PRKCZ: variants seen among roughly 807,000 people sequenced by gnomAD.
The protein encoded by PRKCZ is protein kinase C zeta, also known as protein kinase C zeta type.
Under a neutral mutation model 79.5 loss-of-function variants are expected in PRKCZ, and 33 were observed. That is an observed-to-expected ratio of 0.41 (90% confidence interval 0.31 to 0.55). The LOEUF (loss-of-function observed/expected upper bound fraction) is 0.55, where lower values mean the gene tolerates loss of function less well. Among genes scored for constraint, PRKCZ ranks in the 20% least tolerant of loss-of-function variants. The pLI, the probability that PRKCZ is intolerant of heterozygous loss-of-function variation, is 0.19. For missense variants in PRKCZ, 578 were observed against 813.5 expected (o/e 0.71, Z 3.52); for synonymous variants, 342 against 320.9 (o/e 1.07, Z -0.70).
intron 2 of PRKCZ, 112 bp from the exon 3 acceptor site, chr1:2,056,372 A>G (rs1660160989): frequency 3.1e-6 from 3 of 964,368 alleles, no homozygotes; most frequent in East Asian, 2.9e-5. Context: ...CAGTCTGAGC[A>G]TCGGGACTTT....
intron 1 of PRKCZ, 41 bp downstream of exon 1, chr1:2,050,742 G>A: frequency 9.6e-7 from 1 of 1,042,030 alleles, no homozygotes; most frequent in Non-Finnish European, 1.2e-6. Flanking sequence ...GGGTGAGGCA[G>A]GGAGGGCGGG....
At chr1:2,184,797 C>A in intron 17 of PRKCZ, 99 bp downstream of exon 17, 1 of 1,392,376 alleles carries the variant, frequency 7.2e-7, no homozygotes, top group Non-Finnish European at 9.9e-7. Flanking sequence ...CCCTTGAGTC[C>A]CACCCGCCTG....
intron 5 of PRKCZ, chr1:2,142,514 A>C (rs1264831022): frequency 3.4e-6 from 1 of 297,030 alleles, no homozygotes; most frequent in Non-Finnish European, 6.6e-6. Context: ...CTGGGGCAAA[A>C]CTCCCAATGC....
At chr1:2,074,003 C>G in intron 4 of PRKCZ, 1 of 1,419,220 alleles carries the variant, frequency 7.0e-7, no homozygotes, top group Non-Finnish European at 9.2e-7. Flanking sequence ...AGGCCCTGTG[C>G]GTGCGGAGGA....
Position 2,073,439 on chromosome 1 carries a change from C to A in PRKCZ, c.334+13848C>A, listed in dbSNP as rs16824683. Reference sequence around the variant, plus strand: ...CAGAGGTCACTCGCCACGGCCACAGCTGCGCTGTCCCCCACTCCCAGCCTG... The same window carrying A: ...CAGAGGTCACTCGCCACGGCCACAGATGCGCTGTCCCCCACTCCCAGCCTG... On this transcript the variant is annotated intron_variant, in intron 4 of 17. Transcript: ENST00000378567. 6.1e-3 allele frequency: 1,061 copies of A among 172,802 alleles called. 56 individuals carry two copies. The East Asian group carries it at 0.13, about 21-fold the overall frequency. 10.7% of individuals were successfully genotyped at this position (172,802 alleles called of 1,614,324 possible). A position where few individuals can be genotyped will look rare whatever the true frequency, so the allele number is the denominator to read the frequency against.
At chr1:2,090,705 G>A (rs1302096430) in intron 4 of PRKCZ, among the ~76,000 whole-genome samples, 2 of 152,214 alleles carry the variant, frequency 1.3e-5, no homozygotes, top group East Asian at 1.9e-4. Flanking sequence ...GGCACCTGGC[G>A]TGGGCGCCCT....
intron 4 of PRKCZ, among the ~76,000 whole-genome samples, chr1:2,108,727 C>A (rs993989237): frequency 1.3e-5 from 2 of 152,212 alleles, no homozygotes; most frequent in Non-Finnish European, 2.9e-5. Flanking sequence ...GTCACCACCC[C>A]CTGCCTGTCC....
chr1:2,150,751 C>A (rs1679729080), intron 8 of PRKCZ, 39 bp from the exon 9 acceptor site: 1 of 1,585,846 alleles, frequency 6.3e-7, no homozygotes, highest in Non-Finnish European at 8.6e-7. Flanking sequence ...TCCCGGGAAC[C>A]CCCCTCTCAC....
intron 3 of PRKCZ, 109 bp from the exon 4 acceptor site, chr1:2,059,432 C>T: frequency 7.4e-7 from 1 of 1,353,960 alleles, no homozygotes; most frequent in South Asian, 1.2e-5. Context: ...CCACGTGCGC[C>T]TTGCGTGAAG....
intron 4 of PRKCZ, among the ~76,000 whole-genome samples, chr1:2,092,155 G>T (rs910515009): frequency 1.3e-5 from 2 of 152,034 alleles, no homozygotes; most frequent in Non-Finnish European, 2.9e-5. Flanking sequence ...CCTTGGCTCC[G>T]GCCCCGTCCA....
intron 1 of PRKCZ, among the ~76,000 whole-genome samples, chr1:2,051,297 C>G (rs1659624339): frequency 6.6e-6 from 1 of 152,198 alleles, no homozygotes; most frequent in African/African-American, 2.4e-5. Flanking sequence ...GGAGGGGGCG[C>G]GGTCAGGTGC....
At chr1:2,090,722 G>A (rs567113619) in intron 4 of PRKCZ, among the ~76,000 whole-genome samples, 5 of 152,332 alleles carry the variant, frequency 3.3e-5, no homozygotes, top group East Asian at 1.9e-4. Context: ...CCCTGGGAGC[G>A]GCAGCCGGGG....
Position 2,168,801 on chromosome 1 carries a change from T to TAA in PRKCZ, c.975-711_975-710dup. The stretch of plus-strand genomic sequence containing the variant: ...TCAGGTGCCAGAGGAGCCGCTGACC[T>TAA]AAAAAAACCCGCCACAGGGTATTTC... On this transcript the variant is annotated intron_variant, in intron 10 of 17. Transcript: ENST00000378567. The surrounding 1 kb of genome is among the most constrained non-coding windows in gnomAD (Gnocchi z 4.7). 1 of 196,894 alleles carries TAA rather than the reference T, an allele frequency of 5.1e-6. No individual in the cohort carries two copies. The highest frequency in any genetic ancestry group is 7.6e-5 in the South Asian group (1 of 13,094). 12.2% of individuals were successfully genotyped at this position (196,894 alleles called of 1,614,324 possible).
In PRKCZ at chr1:2,165,490, T is replaced by G. The variant is rs1683140435; in HGVS notation, c.975-4028T>G. On this transcript the variant is annotated intron_variant, in intron 10 of 17. Transcript: ENST00000378567. This position sits in a 1 kb window ranked among gnomAD's most constrained non-coding sequence, Gnocchi z 4.1. Reference sequence around the variant, plus strand: ...CTTACTTCCTGGTGATGGGGTCAAGTGCGTTAACACAGAGGGACTTGGAGA... The same window carrying G: ...CTTACTTCCTGGTGATGGGGTCAAGGGCGTTAACACAGAGGGACTTGGAGA... 6.6e-6 allele frequency among the ~76,000 whole-genome samples: 1 copy of G among 152,294 alleles called. No individual in the cohort carries two copies. The highest frequency in any genetic ancestry group is 2.1e-4 in the South Asian group (1 of 4,826).
At chr1:2,143,874 G>C (rs1677919222) in intron 5 of PRKCZ, 1 of 253,418 alleles carries the variant, frequency 3.9e-6, no homozygotes, top group South Asian at 5.2e-5. Flanking sequence ...GAGCGCAGCA[G>C]GAGCTGCAGC....
intron 4 of PRKCZ, among the ~76,000 whole-genome samples, chr1:2,100,501 A>G (rs1667258833): frequency 6.6e-6 from 1 of 152,228 alleles, no homozygotes; most frequent in African/African-American, 2.4e-5. Flanking sequence ...TCCTCCAGGC[A>G]CTGGCTCTCA....
rs561115172 is a variant in PRKCZ at position 2,117,148 on chromosome 1, CTA to C, written c.335-18112_335-18111del. 1.9e-3 allele frequency among the ~76,000 whole-genome samples: 283 copies of C among 152,142 alleles called. 1 individual carries two copies. Among genetic ancestry groups the C allele is most frequent in the African/African-American group, 6.4e-3 (265 of 41,498 alleles). On this transcript the variant is annotated intron_variant, in intron 4 of 17. Transcript: ENST00000378567. ...ATTTTTTTGTAGAGACAGGGTCTCC[CTA>C]TGTTGCCCAGGCTGGTCTTGAACTC...
intron 10 of PRKCZ, among the ~76,000 whole-genome samples, chr1:2,157,192 G>T (rs1681233972): frequency 6.6e-6 from 1 of 152,142 alleles, no homozygotes; most frequent in Non-Finnish European, 1.5e-5. Flanking sequence ...CACGTCCCCA[G>T]GGGCCTGGAT....
At chr1:2,145,695 C>T (rs1437511782) in intron 6 of PRKCZ, among the ~76,000 whole-genome samples, 1 of 152,254 alleles carries the variant, frequency 6.6e-6, no homozygotes, top group East Asian at 1.9e-4. Context: ...GGGAAGATCA[C>T]TTGAGGCCAG....
Sources: allele counts gnomAD v4.1 joint callset (sites outside exome capture counted in the v4.1 genomes callset), GRCh38; gene constraint gnomAD v4.1.1; non-coding constraint Gnocchi (gnomAD v3.1); transcripts MANE v1.5; gene names NCBI Gene and HGNC (gene_info 2026-07-23, HGNC 2026-07-21).